Variants in REC114 observed in about 807,000 individuals in gnomAD.
REC114 encodes the protein REC114 meiotic recombination protein, also known as meiotic recombination protein REC114.
REC114 carries 27 observed loss-of-function variants against 31.3 expected under a neutral mutation model. That is an observed-to-expected ratio of 0.86 (90% CI 0.64 to 1.19). The LOEUF (loss-of-function observed/expected upper bound fraction) is 1.19, where lower values mean the gene tolerates loss of function less well. Ranked by LOEUF, REC114 falls within the 50% of genes most tolerant of loss-of-function variation. REC114 has a pLI of 0.00. For synonymous variants in REC114, 134 were observed against 127.7 expected, an observed-to-expected ratio of 1.05 and a Z score of -0.33; for missense variants, 344 against 326.9, an observed-to-expected ratio of 1.05 and a Z score of -0.40.
chr15:73,528,869 G>T (rs1466453476), intron 2 of REC114, among the ~76,000 whole-genome samples: 2 of 151,988 alleles, frequency 1.3e-5, no homozygotes, highest in African/African-American at 2.4e-5. Context: ...TAATGGCCTG[G>T]TTTCTTTAAC....
intron 2 of REC114, among the ~76,000 whole-genome samples, chr15:73,487,918 T>G (rs1285454230): frequency 6.6e-6 from 1 of 152,212 alleles, no homozygotes; most frequent in East Asian, 1.9e-4. Context: ...CCTTTGATTC[T>G]AAGTAAAGGT....
intron 3 of REC114, among the ~76,000 whole-genome samples, chr15:73,550,434 C>T (rs922625814): frequency 6.6e-6 from 1 of 152,186 alleles, no homozygotes; most frequent in East Asian, 1.9e-4. Context: ...AGATCATTAG[C>T]ATGAGATCTA....
At chr15:73,454,534 G>A (rs1892891806) in intron 1 of REC114, among the ~76,000 whole-genome samples, 1 of 152,056 alleles carries the variant, frequency 6.6e-6, no homozygotes, top group African/African-American at 2.4e-5. Context: ...TAGAGCCAGG[G>A]GCACTCCTTC....
intron 2 of REC114, among the ~76,000 whole-genome samples, chr15:73,527,608 C>T (rs1894024770): frequency 6.6e-6 from 1 of 152,092 alleles, no homozygotes; most frequent in Non-Finnish European, 1.5e-5. Context: ...TAGTTGCTTC[C>T]AATAGTTTTG....
chr15:73,517,719 A>G (rs1231056837), intron 2 of REC114, among the ~76,000 whole-genome samples: 1 of 152,218 alleles, frequency 6.6e-6, no homozygotes, highest in African/African-American at 2.4e-5. Context: ...TGTCAGTTCC[A>G]CTTGTCCTCA....
intron 5 of REC114, among the ~76,000 whole-genome samples, chr15:73,557,210 C>T (rs1030118091): frequency 1.3e-5 from 2 of 151,728 alleles, no homozygotes; most frequent in African/African-American, 4.8e-5. Context: ...GCTGGGATTA[C>T]AGGCGTGTGC....
At chr15:73,494,611 A>G (rs1264026829) in intron 2 of REC114, among the ~76,000 whole-genome samples, 1 of 152,084 alleles carries the variant, frequency 6.6e-6, no homozygotes, top group Non-Finnish European at 1.5e-5. Context: ...TTTTCTCACC[A>G]TAGGATAACA....
chr15:73,550,955 T>C lies in REC114; in HGVS notation c.351T>C (p.Phe117=). The C allele has an allele frequency of 6.2e-7, 1 of 1,613,872 alleles. No individual in the cohort carries two copies. The highest frequency in any genetic ancestry group is 8.5e-7 in the Non-Finnish European group (1 of 1,179,818). ...TCAAACAGGACAAGAGTCGCCTGTT[T>C]CGAGTACAGTTCAGTGGAGAGTCAA... ...GTTIKDKSRL[F]RVQFSGESKE... is the part of the protein sequence containing the mutation. Residue 117 remains phenylalanine, a synonymous_variant, in exon 4 of 6, where the codon TTT becomes TTC. Coordinates refer to ENST00000331090, the MANE Select transcript of REC114 (RefSeq NM_001042367.2).
chr15:73,555,380 G>A (rs559861066), intron 4 of REC114, among the ~76,000 whole-genome samples: 187 of 152,246 alleles, frequency 1.2e-3, no homozygotes, highest in Non-Finnish European at 8.8e-5. Context: ...AGGAAGGAAC[G>A]GAGGTAGGGC....
intron 2 of REC114, among the ~76,000 whole-genome samples, chr15:73,477,037 C>G (rs1893224384): frequency 6.6e-6 from 1 of 152,176 alleles, no homozygotes; most frequent in African/African-American, 2.4e-5. Context: ...TATTGTCAGT[C>G]TTTTTAACTT....
intron 2 of REC114, among the ~76,000 whole-genome samples, chr15:73,510,101 ATCC>A (rs1893740861): frequency 6.6e-6 from 1 of 151,766 alleles, no homozygotes; most frequent in Non-Finnish European, 1.5e-5. Flanking sequence ...ATTTGTTTGT[ATCC>A]TCTTTTATTT....
chr15:73,448,095 G>GTT (rs1309272488), intron 1 of REC114, among the ~76,000 whole-genome samples: 10 of 148,708 alleles, frequency 6.7e-5, no homozygotes, highest in African/African-American at 2.6e-4. Context: ...GCAGGAGTTT[G>GTT]TTTGTTTTTT....
intron 2 of REC114, among the ~76,000 whole-genome samples, chr15:73,521,172 G>T (rs1187915386): frequency 3.3e-5 from 5 of 152,118 alleles, no homozygotes; most frequent in Admixed American, 3.3e-4. Flanking sequence ...CACAATCCTG[G>T]TGAGAGACTT....
At chr15:73,455,760 G>A (rs977001128) in intron 1 of REC114, among the ~76,000 whole-genome samples, 3 of 152,120 alleles carry the variant, frequency 2.0e-5, no homozygotes, top group Non-Finnish European at 4.4e-5. Flanking sequence ...CATGCACACT[G>A]AAAACCCAAT....
intron 2 of REC114, among the ~76,000 whole-genome samples, chr15:73,497,292 C>T (rs1186953608): frequency 6.6e-6 from 1 of 152,200 alleles, no homozygotes; most frequent in East Asian, 1.9e-4. Flanking sequence ...TTTCCTATTT[C>T]TGTGATTCCT....
intron 2 of REC114, among the ~76,000 whole-genome samples, chr15:73,527,221 T>C (rs1894020376): frequency 6.6e-6 from 1 of 152,232 alleles, no homozygotes; most frequent in African/African-American, 2.4e-5. Context: ...ACTGTTTGAC[T>C]TACAATTCCT....
chr15:73,534,981 C>G (rs1015829102), intron 2 of REC114, among the ~76,000 whole-genome samples: 5 of 142,580 alleles, frequency 3.5e-5, no homozygotes, highest in East Asian at 2.0e-4. Context: ...ATTCACCAAC[C>G]CTTCATGCTA....
At chr15:73,553,194 A>C (rs192733242) in intron 4 of REC114, among the ~76,000 whole-genome samples, 5 of 152,226 alleles carry the variant, frequency 3.3e-5, no homozygotes, top group African/African-American at 1.2e-4. Flanking sequence ...CTTTTTCTTT[A>C]AGCAGGTGCT....
At position 73,527,728 on chromosome 15, in the gene REC114, A is replaced by C. The variant is rs1481090; in HGVS notation, c.250-12757A>C. ...TATTTTCTCCTATCTCCCCATAAAAATAGACAGTTCAAACAGGGCTGCAAA... is the reference window on the plus strand; with the variant it reads ...TATTTTCTCCTATCTCCCCATAAAACTAGACAGTTCAAACAGGGCTGCAAA... On this transcript the variant is annotated intron_variant, in intron 2 of 5. Transcript: ENST00000331090. Among the ~76,000 whole-genome samples the C allele has an allele frequency of 8.7e-3, 1,328 of 152,312 alleles. 19 individuals carry two copies. The highest frequency in any genetic ancestry group is 0.03 in the African/African-American group (1,249 of 41,564).
Sources: gnomAD v4.1 joint callset for allele counts (sites outside exome capture counted in the v4.1 genomes callset) on GRCh38, gnomAD v4.1.1 for gene constraint, MANE v1.5 for transcripts, NCBI Gene and HGNC (gene_info 2026-07-23, HGNC 2026-07-21) for gene names.